NAV2: variants seen among roughly 807,000 people sequenced by gnomAD.
NAV2 encodes the protein neuron navigator 2.
NAV2 carries 54 observed loss-of-function variants against 223.2 expected under a neutral mutation model. That is an observed-to-expected ratio of 0.24 (90% CI 0.19 to 0.30). NAV2 has a LOEUF of 0.30. Among genes scored for constraint, NAV2 ranks in the 10% least tolerant of loss-of-function variants. The pLI is 1.00. For synonymous variants in NAV2, 1,279 were observed against 1,239.3 expected (o/e 1.03, Z -0.67); for missense variants, 2,806 against 3,147.5 (o/e 0.89, Z 2.60).
At chr11:19,829,513 AACTT>A (rs1378404523) in intron 1 of NAV2, among the ~76,000 whole-genome samples, 2 of 152,212 alleles carry the variant, frequency 1.3e-5, no homozygotes, top group East Asian at 3.8e-4. Flanking sequence ...TTTTATTACT[AACTT>A]TTATTTACTG....
intron 13 of NAV2, 74 bp from the exon 14 acceptor site, chr11:20,044,894 A>G: frequency 3.2e-6 from 4 of 1,258,924 alleles, no homozygotes; most frequent in African/African-American, 1.5e-5. Context: ...TCAGAGGAGG[A>G]GAGCATCTTA....
intron 1 of NAV2, among the ~76,000 whole-genome samples, chr11:19,687,678 T>C (rs2049059626): frequency 6.6e-6 from 1 of 152,180 alleles, no homozygotes; most frequent in Non-Finnish European, 1.5e-5. Flanking sequence ...GAACACAAGA[T>C]GTACTAAACC....
intron 1 of NAV2, among the ~76,000 whole-genome samples, chr11:19,499,078 C>T (rs1039827607): frequency 9.2e-5 from 14 of 152,340 alleles, no homozygotes; most frequent in African/African-American, 1.2e-4. Flanking sequence ...CCTGTTCATA[C>T]GACCTCTGGG....
intron 1 of NAV2, among the ~76,000 whole-genome samples, chr11:19,686,266 C>T (rs528448847): frequency 2.0e-5 from 3 of 152,284 alleles, no homozygotes; most frequent in Admixed American, 6.5e-5. Flanking sequence ...CTTGCTTTTC[C>T]TTTGAGTAAC....
chr11:19,360,152 C>G (rs1436441927), intron 1 of NAV2, among the ~76,000 whole-genome samples: 2 of 152,162 alleles, frequency 1.3e-5, no homozygotes, highest in Non-Finnish European at 2.9e-5. Context: ...CAGCCTTGGC[C>G]CCCATCCTGT....
At chr11:19,838,887 G>A (rs1357766807) in intron 2 of NAV2, among the ~76,000 whole-genome samples, 1 of 152,228 alleles carries the variant, frequency 6.6e-6, no homozygotes, top group African/African-American at 2.4e-5. Flanking sequence ...GCCTCCCAAA[G>A]TGCTGGGATT....
At chr11:19,910,619 G>C (rs1052204925) in intron 6 of NAV2, among the ~76,000 whole-genome samples, 1 of 152,224 alleles carries the variant, frequency 6.6e-6, no homozygotes, top group Non-Finnish European at 1.5e-5. Flanking sequence ...AGCACTTTGG[G>C]AGGCCGAGGC....
At chr11:19,624,159 G>C (rs1464058070) in intron 1 of NAV2, among the ~76,000 whole-genome samples, 1 of 152,178 alleles carries the variant, frequency 6.6e-6, no homozygotes, top group African/African-American at 2.4e-5. Flanking sequence ...CTGGCCGTGT[G>C]AGGTGTCAGT....
intron 1 of NAV2, among the ~76,000 whole-genome samples, chr11:19,817,632 G>T (rs2059159339): frequency 1.3e-5 from 2 of 152,188 alleles, no homozygotes; most frequent in South Asian, 4.1e-4. Flanking sequence ...AAAGGAGGGA[G>T]GGGGTGGCCA....
intron 1 of NAV2, among the ~76,000 whole-genome samples, chr11:19,734,791 A>G (rs182281984): frequency 1.3e-3 from 199 of 152,258 alleles, no homozygotes; most frequent in African/African-American, 4.5e-3. Flanking sequence ...AAGTTTCTAG[A>G]CCCAGATTCC....
chr11:19,915,531 C>T (rs1295946359), intron 6 of NAV2, among the ~76,000 whole-genome samples: 3 of 152,232 alleles, frequency 2.0e-5, no homozygotes, highest in Admixed American at 1.3e-4. Context: ...CTCTTATAAT[C>T]GGCCTCTGCC....
In NAV2 at chr11:19,862,437, G is replaced by A. The variant is rs531546470; in HGVS notation, c.439-6488G>A. On this transcript the variant is annotated intron_variant, in intron 3 of 37. Transcript: ENST00000349880. The stretch of plus-strand genomic sequence containing the variant: ...CCATGAGAGCTTGAGCCGGCTTGCT[G>A]TAAACGTTGATGCTTGAATAGCCAA... Among the ~76,000 whole-genome samples the A allele has an allele frequency of 2.0e-5, 3 of 152,336 alleles. No individual in the cohort carries two copies. The South Asian group carries it at 6.2e-4, about 32-fold the overall frequency.
At chr11:19,865,852 T>C (rs1050397593) in intron 3 of NAV2, among the ~76,000 whole-genome samples, 1 of 124,284 alleles carries the variant, frequency 8.0e-6, no homozygotes, top group African/African-American at 3.1e-5. Flanking sequence ...ATGCCTCTCT[T>C]GTCTATGTGC....
intron 22 of NAV2, among the ~76,000 whole-genome samples, chr11:20,069,376 G>A (rs2059253870): frequency 6.6e-6 from 1 of 152,146 alleles, no homozygotes; most frequent in Non-Finnish European, 1.5e-5. Context: ...AAGAAAGCCA[G>A]GGGTCAGATC....
At chr11:19,434,844 TGTG>T in intron 1 of NAV2, among the ~76,000 whole-genome samples, 1 of 141,718 alleles carries the variant, frequency 7.1e-6, no homozygotes, top group South Asian at 2.2e-4. Context: ...AGCAAAAGGT[TGTG>T]GCTTTTTTTT....
chr11:19,786,810 T>C (rs555025221), intron 1 of NAV2, among the ~76,000 whole-genome samples: 1 of 152,268 alleles, frequency 6.6e-6, no homozygotes, highest in African/African-American at 2.4e-5. Context: ...GGGAAGACAC[T>C]TCTACAAATT....
chr11:20,115,712 G>T (rs1299436239), intron 37 of NAV2, among the ~76,000 whole-genome samples: 1 of 149,096 alleles, frequency 6.7e-6, no homozygotes, highest in Non-Finnish European at 1.5e-5. Flanking sequence ...TTGGTGGGCA[G>T]TTACAGCCTG....
chr11:19,489,880 C>T (rs569988846), intron 1 of NAV2, among the ~76,000 whole-genome samples: 1 of 152,126 alleles, frequency 6.6e-6, no homozygotes, highest in African/African-American at 2.4e-5. Context: ...ATTCCACAGT[C>T]CCAGAACCCC....
chr11:19,631,704 G>T (rs1350889569), intron 1 of NAV2, among the ~76,000 whole-genome samples: 1 of 152,188 alleles, frequency 6.6e-6, no homozygotes, highest in East Asian at 1.9e-4. Flanking sequence ...ACTGAGTGTG[G>T]CACCTAGAAG....
Sources: gnomAD v4.1 joint callset for allele counts (sites outside exome capture counted in the v4.1 genomes callset) on GRCh38, gnomAD v4.1.1 for gene constraint, MANE v1.5 for transcripts, NCBI Gene and HGNC (gene_info 2026-07-23, HGNC 2026-07-21) for gene names.